Variants in NEK4 observed in about 807,000 individuals in gnomAD.
NEK4 encodes the protein NIMA related kinase 4.
Under a neutral mutation model 98.4 loss-of-function variants are expected in NEK4, and 86 were observed. The observed-to-expected ratio is 0.87, with a 90% confidence interval of 0.73 to 1.05. NEK4 has a LOEUF of 1.05. Among genes scored for constraint, NEK4 ranks in the 50% least tolerant of loss-of-function variants. The pLI, the probability that NEK4 is intolerant of heterozygous loss-of-function variation, is 0.00. For missense variants in NEK4, 898 were observed against 950.3 expected (o/e 0.94, Z 0.72); for synonymous variants, 328 against 342.2 (o/e 0.96, Z 0.46).
intron 2 of NEK4, among the ~76,000 whole-genome samples, chr3:52,767,654 G>C (rs916208558): frequency 9.2e-5 from 14 of 151,752 alleles, no homozygotes; most frequent in Non-Finnish European, 7.4e-5. Flanking sequence ...GGAGGTGGAG[G>C]TTGCAGTGAG....
intron 2 of NEK4, 64 bp downstream of exon 2, chr3:52,768,274 A>C: frequency 1.3e-6 from 2 of 1,507,640 alleles, no homozygotes; most frequent in Non-Finnish European, 1.8e-6. Context: ...AATTTTCCTA[A>C]AATACACCTG....
intron 2 of NEK4, 108 bp from the exon 3 acceptor site, chr3:52,766,483 T>A: frequency 1.3e-6 from 1 of 750,404 alleles, no homozygotes; most frequent in Non-Finnish European, 2.2e-6. Context: ...TCTTTGACCG[T>A]AAAGAGTAAC....
rs80176849 is a variant in NEK4, at chr3:52,763,652, T to C, written c.667-28A>G. On this transcript the variant is annotated intron_variant, in intron 4 of 15. Coordinates refer to ENST00000233027, the MANE Select transcript of NEK4 (RefSeq NM_003157.6). ...ACAAATAAAAATAATATTGTAATTA[T>C]GACTAATGGTCTTGTGAAACAAAGT... is the stretch of plus-strand genomic sequence containing the variant. The C allele has an allele frequency of 6.8e-3, 10,365 of 1,527,664 alleles. 40 individuals carry two copies. Among genetic ancestry groups the C allele is most frequent in the Non-Finnish European group, 8.3e-3 (9,306 of 1,121,488 alleles). 94.6% of individuals were successfully genotyped at this position (1,527,664 alleles called of 1,614,324 possible). A position where few individuals can be genotyped will look rare whatever the true frequency, so the allele number is the denominator to read the frequency against.
At chr3:52,717,244 C>T (rs528204597) in intron 15 of NEK4, among the ~76,000 whole-genome samples, 1 of 152,060 alleles carries the variant, frequency 6.6e-6, no homozygotes, top group Admixed American at 6.5e-5. Context: ...CGCATCTCTA[C>T]TAAAAATACA....
At chr3:52,744,412 G>A (rs974603030) in intron 10 of NEK4, 107 bp from the exon 11 acceptor site, 1 of 896,672 alleles carries the variant, frequency 1.1e-6, no homozygotes. Flanking sequence ...TGAGCTGGAT[G>A]CGGTGGCTCA....
intron 15 of NEK4, among the ~76,000 whole-genome samples, chr3:52,732,255 G>A (rs1156867815): frequency 2.6e-5 from 4 of 152,002 alleles, no homozygotes; most frequent in Admixed American, 6.6e-5. Context: ...GTGCAGTGGC[G>A]CGATCTTGGC....
rs145107076 is a variant in NEK4, at chr3:52,730,871, G to A, written c.2433+6715C>T. On this transcript the variant is annotated intron_variant, in intron 15 of 15. Coordinates refer to ENST00000233027, the MANE Select transcript of NEK4 (RefSeq NM_003157.6). ...CAGAAAGTAGATGGGTGGTTGCCAG[G>A]GGCTGGTGGGGGCAGGAAATGGGGA... Among the ~76,000 whole-genome samples the A allele has an allele frequency of 3.9e-3, 587 of 152,262 alleles. 7 individuals are homozygous for A. Among genetic ancestry groups the A allele is most frequent in the African/African-American group, 0.013 (537 of 41,546 alleles).
intron 4 of NEK4, 96 bp from the exon 5 acceptor site, chr3:52,763,720 G>T: frequency 1.2e-6 from 1 of 852,776 alleles, no homozygotes; most frequent in Non-Finnish European, 1.8e-6. Context: ...ATAGTCATAT[G>T]TCCACATAAG....
chr3:52,742,487 G>C (rs994179816), intron 12 of NEK4, among the ~76,000 whole-genome samples: 1 of 152,126 alleles, frequency 6.6e-6, no homozygotes, highest in African/African-American at 2.4e-5. Context: ...ATAACTAAAT[G>C]ATATAGTTAA....
At chr3:52,724,264 A>ACACACACACACACACAC in intron 15 of NEK4, among the ~76,000 whole-genome samples, 1 of 88,638 alleles carries the variant, frequency 1.1e-5, no homozygotes, top group African/African-American at 4.7e-5. Context: ...CACACACACA[A>ACACACACACACACACAC]AACTGTCAAA....
In NEK4 at chr3:52,708,967, C is replaced by T. The variant is rs2097347542; in HGVS notation, c.*2810G>A. Reference sequence around the variant, plus strand: ...TAGGGAGGCCAAGGCAGGCAGATCACCTGAGGTCAGGAGTTCAAGACCAGC... The same window carrying T: ...TAGGGAGGCCAAGGCAGGCAGATCATCTGAGGTCAGGAGTTCAAGACCAGC... On this transcript the variant is annotated 3_prime_UTR_variant, in exon 16 of 16. Transcript: ENST00000233027. 1 of 152,092 alleles carries T rather than the reference C, an allele frequency of 6.6e-6. No individual in the cohort carries two copies. The highest frequency in any genetic ancestry group is 1.5e-5 in the Non-Finnish European group (1 of 68,046). The allele number at this position is 152,092 out of a possible 1,614,324, so 9.4% of individuals were successfully genotyped here. A position where few individuals can be genotyped will look rare whatever the true frequency, so the allele number is the denominator to read the frequency against.
chr3:52,714,998 C>T (rs1254665018), intron 15 of NEK4, among the ~76,000 whole-genome samples: 1 of 152,176 alleles, frequency 6.6e-6, no homozygotes, highest in Non-Finnish European at 1.5e-5. Flanking sequence ...CTGGCCTGCA[C>T]GTGTACCGTG....
intron 15 of NEK4, chr3:52,732,671 A>C (rs904835556): frequency 9.4e-6 from 3 of 319,034 alleles, no homozygotes; most frequent in African/African-American, 6.8e-5. Context: ...AGGGCTTTAT[A>C]CAGGGAAGTG....
In NEK4 at chr3:52,768,474, C is replaced by A. The variant is rs1559453699; in HGVS notation, c.224G>T (p.Gly75Val). 6.2e-7 allele frequency: 1 copy of A among 1,614,210 alleles called. No individual in the cohort carries two copies. The stretch of plus-strand genomic sequence containing the variant: ...CATGACAATGTAGAGCAGACCATCT[C>A]CTCCTTCCCATGACTCCTTGTAGGT... ...IVTYKESWEG[G>V]DGLLYIVMGF... The change falls in exon 2 of 16, where the codon GGA becomes GTA. Residue 75 changes from glycine (G) to valine (V), a missense_variant. Coordinates refer to ENST00000233027, the MANE Select transcript of NEK4 (RefSeq NM_003157.6).
intron 5 of NEK4, among the ~76,000 whole-genome samples, chr3:52,761,404 G>C (rs1244759876): frequency 1.3e-5 from 2 of 151,974 alleles, no homozygotes; most frequent in African/African-American, 2.4e-5. Context: ...TCAGCCTCCC[G>C]AGTAGCTGGG....
chr3:52,746,119 C>A lies in NEK4; in HGVS notation c.1769G>T (p.Arg590Leu). The part of the protein sequence containing the change: ...TSTQKEAENQ[R>L]RVVTGSVSSS... ...GCTCACAGACCCAGTGACCACTCTACGTTGGTTTTCAGCCTCTTTTTGTGT... is the reference window on the plus strand; with the variant it reads ...GCTCACAGACCCAGTGACCACTCTAAGTTGGTTTTCAGCCTCTTTTTGTGT... The change falls in exon 10 of 16, where the codon CGT (arginine) becomes CTT (leucine). Residue 590 changes from arginine to leucine, a missense_variant. Arg to Leu is a moderately radical substitution (Grantham distance 102). Coordinates refer to ENST00000233027, the MANE Select transcript of NEK4 (RefSeq NM_003157.6). The A allele has an allele frequency of 6.2e-7, 1 of 1,614,134 alleles. No individual in the cohort carries two copies. The highest frequency in any genetic ancestry group is 8.5e-7 in the Non-Finnish European group (1 of 1,179,966).
At chr3:52,716,037 G>A (rs562128468) in intron 15 of NEK4, among the ~76,000 whole-genome samples, 2 of 152,314 alleles carry the variant, frequency 1.3e-5, no homozygotes, top group Admixed American at 6.5e-5. Context: ...CCATAGCTTC[G>A]CAGAGGACCA....
At chr3:52,715,262 G>C (rs776398834) in intron 15 of NEK4, among the ~76,000 whole-genome samples, 7 of 152,228 alleles carry the variant, frequency 4.6e-5, no homozygotes, top group Non-Finnish European at 8.8e-5. Context: ...CAATGGGACG[G>C]CCAGCTGCAG....
intron 15 of NEK4, among the ~76,000 whole-genome samples, chr3:52,719,898 A>G (rs2097358563): frequency 6.6e-6 from 1 of 152,150 alleles, no homozygotes. Context: ...GAAAAAGCTA[A>G]AATGAAAAAT....
Sources: gnomAD v4.1 joint callset for allele counts (sites outside exome capture counted in the v4.1 genomes callset) on GRCh38, gnomAD v4.1.1 for gene constraint, MANE v1.5 for transcripts, NCBI Gene and HGNC (gene_info 2026-07-23, HGNC 2026-07-21) for gene names.